The following SERPINB8 variants were observed in gnomAD, a reference collection of about 807,000 sequenced individuals.
SERPINB8 encodes the protein serpin family B member 8, also known as serpin B8.
Under a neutral mutation model 35.3 loss-of-function variants are expected in SERPINB8, and 25 were observed. That is an observed-to-expected ratio of 0.71 (90% CI 0.52 to 0.99). SERPINB8 has a LOEUF of 0.99. Ranked by LOEUF, SERPINB8 falls within the 50% of genes least tolerant of loss-of-function variation. SERPINB8 has a pLI of 0.00. For synonymous variants in SERPINB8, 186 were observed against 160.8 expected, an observed-to-expected ratio of 1.16 and a Z score of -1.19; for missense variants, 484 against 446.5, an observed-to-expected ratio of 1.08 and a Z score of -0.76.
At chr18:63,979,503 C>T (rs1489444550) in intron 2 of SERPINB8, among the ~76,000 whole-genome samples, 2 of 152,026 alleles carry the variant, frequency 1.3e-5, no homozygotes, top group African/African-American at 4.8e-5. Context: ...TCCTGGGGAC[C>T]CTTGCGAAGA....
At chr18:64,016,413 A>C (rs2050950381) in intron 7 of SERPINB8, among the ~76,000 whole-genome samples, 1 of 152,166 alleles carries the variant, frequency 6.6e-6, no homozygotes, top group Non-Finnish European at 1.5e-5. Flanking sequence ...GGTAGATTGC[A>C]GTAAGGTTTT....
chr18:64,016,729 C>T (rs1312211051), intron 7 of SERPINB8, among the ~76,000 whole-genome samples: 4 of 152,108 alleles, frequency 2.6e-5, no homozygotes, highest in Non-Finnish European at 5.9e-5. Flanking sequence ...CAGGAGCATA[C>T]ATCTTGTTGG....
intron 6 of SERPINB8, chr18:63,986,357 C>T: frequency 6.3e-7 from 1 of 1,586,768 alleles, no homozygotes; most frequent in South Asian, 1.2e-5. Flanking sequence ...CATTTCTCGT[C>T]TCATGCTCCC....
At chr18:64,003,993 A>G (rs1460633438) in intron 1 of SERPINB8, among the ~76,000 whole-genome samples, 3 of 152,206 alleles carry the variant, frequency 2.0e-5, no homozygotes, top group Non-Finnish European at 4.4e-5. Context: ...TTTTAAAATT[A>G]CATTCTATTT....
At chr18:64,013,105 G>A (rs2050933206) in intron 7 of SERPINB8, among the ~76,000 whole-genome samples, 1 of 151,936 alleles carries the variant, frequency 6.6e-6, no homozygotes, top group African/African-American at 2.4e-5. Context: ...TTTCTTTAGG[G>A]AGTAATTCTG....
intron 5 of SERPINB8, among the ~76,000 whole-genome samples, chr18:63,984,260 C>T (rs1231780447): frequency 6.6e-6 from 1 of 152,208 alleles, no homozygotes; most frequent in African/African-American, 2.4e-5. Flanking sequence ...ATCAAATCTA[C>T]CTTCCATCTC....
At chr18:64,012,543 G>A (rs2050930225) in intron 7 of SERPINB8, among the ~76,000 whole-genome samples, 1 of 149,014 alleles carries the variant, frequency 6.7e-6, no homozygotes, top group African/African-American at 2.5e-5. Context: ...TTGCCTTTTG[G>A]TTATTCCTTT....
intron 1 of SERPINB8, among the ~76,000 whole-genome samples, chr18:63,970,890 C>CT: frequency 6.6e-6 from 1 of 151,984 alleles, no homozygotes; most frequent in Non-Finnish European, 1.5e-5. Context: ...GGGGGTGCTT[C>CT]TTCACCTACG....
rs558564531 is a variant in SERPINB8 at position 63,986,350 on chromosome 18, T to G, written c.721-524T>G. 2.2e-5 allele frequency: 35 copies of G among 1,596,368 alleles called. No homozygotes were observed. The East Asian group carries it at 6.8e-4, about 31-fold the overall frequency. ...GATGAAGTCTTCTTGCATTCCCCAT[T>G]TCTCGTCTCATGCTCCCTTCTCATG... On this transcript the variant is annotated intron_variant, in intron 6 of 6. Transcript: ENST00000397985.
intron 1 of SERPINB8, among the ~76,000 whole-genome samples, chr18:63,972,872 T>G (rs1243689725): frequency 1.3e-5 from 2 of 152,196 alleles, no homozygotes; most frequent in Non-Finnish European, 2.9e-5. Flanking sequence ...TGCCACATTT[T>G]CTTAATCCAG....
In SERPINB8 at chr18:64,000,770, C is replaced by G. The variant is rs144125598; in HGVS notation, c.71-4049C>G. ...TTCCCCTTCCTCCAGACTCCAGCTC[C>G]AATCTCCCTCTCTCCCCTGCCCCCA... On this transcript the variant is annotated intron_variant, in intron 1 of 1. Transcript: ENST00000493661. 4.0e-3 allele frequency among the ~76,000 whole-genome samples: 609 copies of G among 152,296 alleles called. 6 individuals carry two copies. The highest frequency in any genetic ancestry group is 0.014 in the African/African-American group (561 of 41,554).
At chr18:63,979,653 G>A (rs908925608) in intron 2 of SERPINB8, 148 bp from the exon 3 acceptor site, 10 of 895,936 alleles carry the variant, frequency 1.1e-5, no homozygotes, top group Middle Eastern at 2.3e-4. Context: ...CATTGCCCAC[G>A]TTGAGAAACC....
At chr18:63,976,729 C>A (rs2050587786) in intron 1 of SERPINB8, among the ~76,000 whole-genome samples, 2 of 152,174 alleles carry the variant, frequency 1.3e-5, no homozygotes, top group Admixed American at 6.5e-5. Flanking sequence ...AATGTTAAGA[C>A]CCTCTTAGCC....
At chr18:63,999,075 G>C (rs1490388027) in intron 1 of SERPINB8, among the ~76,000 whole-genome samples, 1 of 152,184 alleles carries the variant, frequency 6.6e-6, no homozygotes, top group Non-Finnish European at 1.5e-5. Context: ...GAACTAATAA[G>C]ACATGAGAAC....
intron 1 of SERPINB8, among the ~76,000 whole-genome samples, chr18:64,001,573 C>G (rs1263520809): frequency 6.6e-6 from 1 of 152,114 alleles, no homozygotes; most frequent in African/African-American, 2.4e-5. Flanking sequence ...TCACTGCAAC[C>G]TCCGCCTCCT....
intron 7 of SERPINB8, among the ~76,000 whole-genome samples, chr18:64,016,054 C>T (rs116838578): frequency 6.6e-6 from 1 of 152,158 alleles, no homozygotes; most frequent in African/African-American, 2.4e-5. Context: ...AGACACTTTT[C>T]CCCCCTGGAA....
chr18:64,015,035 A>G (rs1166117202), intron 7 of SERPINB8, among the ~76,000 whole-genome samples: 1 of 152,172 alleles, frequency 6.6e-6, no homozygotes, highest in African/African-American at 2.4e-5. Context: ...TTTAGGATGC[A>G]CCATGCCTTC....
chr18:63,986,719 A>G, intron 6 of SERPINB8, 155 bp from the exon 7 acceptor site: 1 of 1,410,434 alleles, frequency 7.1e-7, no homozygotes, highest in Non-Finnish European at 9.3e-7. Context: ...TTGGGAGAAA[A>G]TCTTGGTGTG....
chr18:63,980,059 A>C, intron 3 of SERPINB8, 121 bp downstream of exon 3: 2 of 946,884 alleles, frequency 2.1e-6, no homozygotes, highest in Non-Finnish European at 3.1e-6. Context: ...TTCTGAAATT[A>C]CAATTTTAGA....
Sources: gnomAD v4.1 joint callset for allele counts (sites outside exome capture counted in the v4.1 genomes callset) on GRCh38, gnomAD v4.1.1 for gene constraint, MANE v1.5 for transcripts, NCBI Gene and HGNC (gene_info 2026-07-23, HGNC 2026-07-21) for gene names.